The following CIMIP6 variants were observed in gnomAD, a reference collection of about 807,000 sequenced individuals.
CIMIP6 encodes the protein ciliary microtubule inner protein 6.
chr2:54,336,326 G>C, the CIMIP6 span, among the ~76,000 whole-genome samples: 1 of 152,112 alleles, frequency 6.6e-6, no homozygotes, highest in Non-Finnish European at 1.5e-5. Flanking sequence ...TTTCCAGAAA[G>C]TCATGTTAAT....
the CIMIP6 span, among the ~76,000 whole-genome samples, chr2:54,338,014 G>A: frequency 6.6e-6 from 1 of 152,182 alleles, no homozygotes; most frequent in East Asian, 1.9e-4. Flanking sequence ...GTGTACGCCT[G>A]TGGTCCCAGC....
the CIMIP6 span, among the ~76,000 whole-genome samples, chr2:54,367,268 G>A: frequency 3.9e-5 from 6 of 152,050 alleles, no homozygotes; most frequent in African/African-American, 1.2e-4. Flanking sequence ...TAACTATGAG[G>A]ATGTTCTTTC....
At chr2:54,331,794 T>C in the CIMIP6 span, among the ~76,000 whole-genome samples, 1 of 152,100 alleles carries the variant, frequency 6.6e-6, no homozygotes, top group Non-Finnish European at 1.5e-5. Flanking sequence ...AGGTAGTACA[T>C]ACAGCTAGTT....
chr2:54,360,382 T>A, the CIMIP6 span: 1 of 1,609,300 alleles, frequency 6.2e-7, no homozygotes, highest in Non-Finnish European at 8.5e-7. Flanking sequence ...AACAAAATTC[T>A]CAGGAGCTGT....
chr2:54,364,132 T>G, the CIMIP6 span, among the ~76,000 whole-genome samples: 2 of 152,174 alleles, frequency 1.3e-5, no homozygotes, highest in Non-Finnish European at 2.9e-5. Context: ...CAGGTTTAAG[T>G]CTCTATTTTT....
the CIMIP6 span, among the ~76,000 whole-genome samples, chr2:54,332,215 G>A: frequency 2.0e-5 from 3 of 152,074 alleles, no homozygotes; most frequent in African/African-American, 7.2e-5. Context: ...CCTTCACAAT[G>A]CAGCCTCCAC....
the CIMIP6 span, chr2:54,383,279 C>G: frequency 6.6e-6 from 1 of 152,260 alleles, no homozygotes; most frequent in East Asian, 1.9e-4. Context: ...ATGACAGACC[C>G]AGAGCCAGAA....
the CIMIP6 span, among the ~76,000 whole-genome samples, chr2:54,374,879 G>C: frequency 1.3e-5 from 2 of 152,206 alleles, no homozygotes; most frequent in African/African-American, 4.8e-5. Context: ...AAGGCTCCGT[G>C]CAGCCTTCCC....
the CIMIP6 span, among the ~76,000 whole-genome samples, chr2:54,337,641 A>G: frequency 3.9e-5 from 6 of 152,208 alleles, no homozygotes; most frequent in African/African-American, 1.4e-4. Flanking sequence ...CTTAATCCCA[A>G]CTAATTTTCT....
chr2:54,383,091 G>A, the CIMIP6 span: 4 of 151,334 alleles, frequency 2.6e-5, no homozygotes, highest in Admixed American at 2.6e-4. Flanking sequence ...ATGTTGTAAT[G>A]ACACTCAATC....
chr2:54,337,850 G>T, the CIMIP6 span, among the ~76,000 whole-genome samples: 3 of 152,178 alleles, frequency 2.0e-5, no homozygotes, highest in Non-Finnish European at 4.4e-5. Context: ...GAGAGTTACA[G>T]AGAAAGACTG....
chr2:54,346,434 A>T, the CIMIP6 span, among the ~76,000 whole-genome samples: 4 of 152,170 alleles, frequency 2.6e-5, no homozygotes, highest in Admixed American at 1.3e-4. Flanking sequence ...CTGAGCTTCA[A>T]GTTCACATAT....
the CIMIP6 span, among the ~76,000 whole-genome samples, chr2:54,363,085 G>C: frequency 2.0e-5 from 3 of 152,122 alleles, no homozygotes; most frequent in Non-Finnish European, 2.9e-5. Context: ...TTGTAGTTAT[G>C]CTTAAAATGT....
At chr2:54,359,212 C>T in the CIMIP6 span, 1 of 624,906 alleles carries the variant, frequency 1.6e-6, no homozygotes, top group Non-Finnish European at 2.8e-6. Context: ...ATGTTAGCCA[C>T]ATACCATAGT....
At chr2:54,346,872 G>T in the CIMIP6 span, among the ~76,000 whole-genome samples, 1 of 152,044 alleles carries the variant, frequency 6.6e-6, no homozygotes, top group Non-Finnish European at 1.5e-5. Flanking sequence ...ACTTCTCAAC[G>T]TTCATAGAAT....
chr2:54,368,465 A>G, the CIMIP6 span, among the ~76,000 whole-genome samples: 1 of 152,252 alleles, frequency 6.6e-6, no homozygotes, highest in Non-Finnish European at 1.5e-5. Context: ...ACCCTAGTGC[A>G]TGCCTATGCA....
the CIMIP6 span, among the ~76,000 whole-genome samples, chr2:54,376,699 A>T: frequency 1.3e-5 from 2 of 152,222 alleles, no homozygotes; most frequent in African/African-American, 4.8e-5. Flanking sequence ...GGAGTGAGTT[A>T]AAGAAAGCCT....
At chr2:54,339,832 C>T in the CIMIP6 span, 1 of 152,216 alleles carries the variant, frequency 6.6e-6, no homozygotes, top group East Asian at 1.9e-4. Context: ...CTCTTGCATT[C>T]ACTTAACTAG....
At chr2:54,344,907 G>A in the CIMIP6 span, among the ~76,000 whole-genome samples, 2 of 152,204 alleles carry the variant, frequency 1.3e-5, no homozygotes, top group African/African-American at 4.8e-5. Context: ...GAAAAGAGAA[G>A]AGTAAAAATG....
Sources: allele counts gnomAD v4.1 joint callset (sites outside exome capture counted in the v4.1 genomes callset), GRCh38; gene constraint gnomAD v4.1.1; transcripts MANE v1.5; gene names NCBI Gene and HGNC (gene_info 2026-07-23, HGNC 2026-07-21).